The following CDH4 variants were observed in gnomAD, a reference collection of about 807,000 sequenced individuals.
CDH4 encodes the protein cadherin-4.
CDH4 carries 33 observed loss-of-function variants against 86.0 expected under a neutral mutation model. The ratio of observed to expected loss-of-function variants is 0.38; its 90% CI spans 0.29 to 0.51. The LOEUF (loss-of-function observed/expected upper bound fraction) is 0.51, where lower values mean the gene tolerates loss of function less well. Ranked by LOEUF, CDH4 falls within the 20% of genes least tolerant of loss-of-function variation. The pLI, the probability that CDH4 is intolerant of heterozygous loss-of-function variation, is 0.86. For missense variants in CDH4, 1,114 were observed against 1,307.4 expected (o/e 0.85, Z 2.28); for synonymous variants, 555 against 549.4 (o/e 1.01, Z -0.14).
rs1249383764 is a variant in CDH4, at chr20:61,697,729, A to ATCTCCCCGGAGGGACG, written c.170-45826_170-45811dup. 5.6e-4 allele frequency among the ~76,000 whole-genome samples: 85 copies of ATCTCCCCGGAGGGACG among 152,118 alleles called. 1 individual carries two copies. Among genetic ancestry groups the ATCTCCCCGGAGGGACG allele is most frequent in the African/African-American group, 1.9e-3 (80 of 41,428 alleles). ...ACTCATGGGCCCTCCCTGGAGGTGT[A>ATCTCCCCGGAGGGACG]TCTCCCCGGAGGGACGTCTCCCCAG... On this transcript the variant is annotated intron_variant, in intron 2 of 15. Transcript: ENST00000614565.
At chr20:61,920,302 G>T (rs1165806907) in intron 9 of CDH4, among the ~76,000 whole-genome samples, 1 of 149,270 alleles carries the variant, frequency 6.7e-6, no homozygotes, top group Non-Finnish European at 1.5e-5. Context: ...ATGGTATCGT[G>T]ATTGTGTGGA....
intron 2 of CDH4, among the ~76,000 whole-genome samples, chr20:61,461,744 A>C (rs1479427884): frequency 6.6e-6 from 1 of 152,190 alleles, no homozygotes; most frequent in Admixed American, 6.5e-5. Context: ...GCTGACCTGG[A>C]ATTGTCCCCA....
chr20:61,598,314 T>G (rs2145740653), intron 2 of CDH4, among the ~76,000 whole-genome samples: 1 of 144,296 alleles, frequency 6.9e-6, no homozygotes, highest in East Asian at 2.0e-4. Context: ...CACCAGCCCC[T>G]GCCACCCCTG....
chr20:61,486,062 C>T (rs1297231345), intron 2 of CDH4, among the ~76,000 whole-genome samples: 1 of 152,164 alleles, frequency 6.6e-6, no homozygotes, highest in Non-Finnish European at 1.5e-5. Context: ...AGCATTGGCC[C>T]GCATAGGTGA....
At chr20:61,413,415 G>A (rs1022721662) in intron 2 of CDH4, among the ~76,000 whole-genome samples, 1 of 152,134 alleles carries the variant, frequency 6.6e-6, no homozygotes, top group Non-Finnish European at 1.5e-5. Flanking sequence ...GTGGAGCCGG[G>A]CTTCTCCTCA....
chr20:61,467,403 T>C (rs1476270908), intron 2 of CDH4, among the ~76,000 whole-genome samples: 1 of 152,204 alleles, frequency 6.6e-6, no homozygotes, highest in African/African-American at 2.4e-5. Context: ...CTGAATTATT[T>C]TGGGTACTCT....
At chr20:61,678,507 C>T (rs1313683127) in intron 2 of CDH4, among the ~76,000 whole-genome samples, 2 of 152,182 alleles carry the variant, frequency 1.3e-5, no homozygotes, top group African/African-American at 4.8e-5. Flanking sequence ...GCAATGACAC[C>T]AGGTAGCCAG....
chr20:61,727,336 G>A (rs965240304), intron 2 of CDH4, among the ~76,000 whole-genome samples: 4 of 150,774 alleles, frequency 2.7e-5, no homozygotes, highest in Non-Finnish European at 5.9e-5. Context: ...TGCCATCATC[G>A]GTGCCTTCAT....
intron 2 of CDH4, among the ~76,000 whole-genome samples, chr20:61,273,934 G>A (rs1329957610): frequency 1.3e-5 from 2 of 148,786 alleles, no homozygotes; most frequent in African/African-American, 2.5e-5. Context: ...GTTTGGAGGA[G>A]TATTGTGTGC....
chr20:61,726,403 G>A (rs147399276), intron 2 of CDH4, among the ~76,000 whole-genome samples: 22 of 152,184 alleles, frequency 1.4e-4, no homozygotes, highest in South Asian at 6.3e-4. Context: ...ACTACATTTC[G>A]GAAATCAGGG....
At chr20:61,394,340 T>G (rs547165292) in intron 2 of CDH4, among the ~76,000 whole-genome samples, 1 of 152,210 alleles carries the variant, frequency 6.6e-6, no homozygotes, top group Admixed American at 6.5e-5. Flanking sequence ...AACCCACCTC[T>G]CAGCCCCAGC....
chr20:61,253,609 G>A (rs2084078800), intron 1 of CDH4, among the ~76,000 whole-genome samples: 1 of 152,208 alleles, frequency 6.6e-6, no homozygotes, highest in Non-Finnish European at 1.5e-5. Context: ...TTTCCTGGGC[G>A]AGTTGAGCCT....
chr20:61,509,788 C>G (rs1002223726), intron 2 of CDH4, among the ~76,000 whole-genome samples: 7 of 152,096 alleles, frequency 4.6e-5, no homozygotes, highest in African/African-American at 7.2e-5. Flanking sequence ...TCCAATATGA[C>G]AGTCCAGAGG....
chr20:61,319,610 G>A (rs2084496934), intron 2 of CDH4, among the ~76,000 whole-genome samples: 1 of 152,052 alleles, frequency 6.6e-6, no homozygotes, highest in Admixed American at 6.5e-5. Context: ...GGGGAAATGG[G>A]AAGTCACTAT....
chr20:61,666,802 C>T (rs1013333693), intron 2 of CDH4, among the ~76,000 whole-genome samples: 1 of 152,228 alleles, frequency 6.6e-6, no homozygotes, highest in Non-Finnish European at 1.5e-5. Flanking sequence ...GGAAGCTGCT[C>T]ACAGCTCACT....
chr20:61,586,900 G>T (rs976721775), intron 2 of CDH4, among the ~76,000 whole-genome samples: 9 of 152,168 alleles, frequency 5.9e-5, no homozygotes, highest in Non-Finnish European at 1.0e-4. Context: ...ATAAACATCC[G>T]AGTACCTACT....
At chr20:61,405,229 CATGGTCAT>C (rs1314389463) in intron 2 of CDH4, among the ~76,000 whole-genome samples, 1 of 151,802 alleles carries the variant, frequency 6.6e-6, no homozygotes, top group Admixed American at 6.6e-5. Context: ...CAGCAGAAGC[CATGGTCAT>C]CTTTTTCTCC....
intron 2 of CDH4, chr20:61,718,972 C>T (rs2087998570): frequency 2.1e-6 from 1 of 471,130 alleles, no homozygotes; most frequent in African/African-American, 2.0e-5. Context: ...CGCCCTGCCC[C>T]CTGCCCTGCA....
At chr20:61,515,871 T>A (rs2145619308) in intron 2 of CDH4, among the ~76,000 whole-genome samples, 1 of 152,298 alleles carries the variant, frequency 6.6e-6, no homozygotes, top group Admixed American at 6.5e-5. Flanking sequence ...TCTCATTTGC[T>A]CGCTCGCTCT....
Sources: allele counts gnomAD v4.1 joint callset (sites outside exome capture counted in the v4.1 genomes callset), GRCh38; gene constraint gnomAD v4.1.1; transcripts MANE v1.5; gene names NCBI Gene and HGNC (gene_info 2026-07-23, HGNC 2026-07-21).